DPP6: variants seen among roughly 807,000 people sequenced by gnomAD.
The protein encoded by DPP6 is A-type potassium channel modulatory protein DPP6.
In DPP6, 69 loss-of-function variants were observed where a neutral mutation model predicts 122.6. The observed-to-expected ratio is 0.56, with a 90% CI of 0.46 to 0.69. DPP6 has a LOEUF of 0.69. DPP6 is among the 30% of genes least tolerant of loss of function. The pLI is 0.00. For missense variants in DPP6, 928 were observed against 1,116.9 expected (o/e 0.83, Z 2.41); for synonymous variants, 418 against 433.1 (o/e 0.97, Z 0.43).
intron 1 of DPP6, among the ~76,000 whole-genome samples, chr7:154,187,405 C>A (rs1177255565): frequency 5.3e-5 from 8 of 152,094 alleles, no homozygotes; most frequent in Non-Finnish European, 1.2e-4. Flanking sequence ...GCACGAGAGC[C>A]AAATGACTAT....
chr7:154,774,199 G>T (rs974266788), intron 10 of DPP6, among the ~76,000 whole-genome samples: 2 of 152,074 alleles, frequency 1.3e-5, no homozygotes, highest in African/African-American at 2.4e-5. Context: ...AGGGACAACT[G>T]GTCACTGGGG....
chr7:154,094,650 C>T (rs71532612), intron 1 of DPP6: 5 of 152,196 alleles, frequency 3.3e-5, no homozygotes, highest in African/African-American at 1.2e-4. Flanking sequence ...ATATCAGTGT[C>T]GTTCTCTGGG....
At position 154,861,684 on chromosome 7, in the gene DPP6, G is replaced by A. The variant is rs995150370; in HGVS notation, c.1715-6311G>A. ...GGATACATTACATACTTTGATAATT[G>A]TTGGACATAAAAAGTTATGATTGCT... On this transcript the variant is annotated intron_variant, in intron 17 of 25. Coordinates refer to ENST00000377770, the MANE Select transcript of DPP6 (RefSeq NM_130797.4). 1.6e-4 allele frequency among the ~76,000 whole-genome samples: 25 copies of A among 152,154 alleles called. 1 individual carries two copies. Among genetic ancestry groups the A allele is most frequent in the Non-Finnish European group, 1.8e-4 (12 of 68,032 alleles).
intron 17 of DPP6, among the ~76,000 whole-genome samples, chr7:154,859,042 T>C (rs1356483564): frequency 1.3e-5 from 2 of 152,170 alleles, no homozygotes; most frequent in African/African-American, 4.8e-5. Context: ...ACCAGATGTC[T>C]GACAAGGGGG....
chr7:154,130,697 G>A (rs985573903), intron 1 of DPP6, among the ~76,000 whole-genome samples: 1 of 152,032 alleles, frequency 6.6e-6, no homozygotes, highest in Non-Finnish European at 1.5e-5. Flanking sequence ...AGATGGGGGC[G>A]GGTGGGGAGG....
At chr7:153,817,138 G>T in the DPP6 span, among the ~76,000 whole-genome samples, 1 of 149,598 alleles carries the variant, frequency 6.7e-6, no homozygotes, top group East Asian at 2.0e-4. Flanking sequence ...CAGCCAGAGA[G>T]ATTGGAGCAA....
chr7:153,754,273 A>T, the DPP6 span, among the ~76,000 whole-genome samples: 1 of 152,136 alleles, frequency 6.6e-6, no homozygotes, highest in Admixed American at 6.5e-5. Flanking sequence ...AATCCCACCT[A>T]CATTTTTACT....
chr7:154,475,459 A>G, intron 3 of DPP6: 1 of 237,436 alleles, frequency 4.2e-6, no homozygotes, highest in South Asian at 5.6e-5. Flanking sequence ...AGAAGGACCA[A>G]AAGCAACTCA....
intron 6 of DPP6, among the ~76,000 whole-genome samples, chr7:154,664,295 A>C (rs538612884): frequency 6.6e-6 from 1 of 152,366 alleles, no homozygotes; most frequent in Admixed American, 6.5e-5. Flanking sequence ...GCAGTCTTGC[A>C]AGGCACTGCA....
chr7:153,928,395 C>CTTTTTTTTTTTTTTT (rs1467865041), intron 1 of DPP6, among the ~76,000 whole-genome samples: 79 of 29,958 alleles, frequency 2.6e-3, no homozygotes, highest in Non-Finnish European at 3.5e-3. Flanking sequence ...TCTTTTCTTT[C>CTTTTTTTTTTTTTTT]ATTTTTTTTT....
intron 1 of DPP6, among the ~76,000 whole-genome samples, chr7:154,033,380 G>A (rs1428270084): frequency 6.6e-6 from 1 of 152,184 alleles, no homozygotes; most frequent in African/African-American, 2.4e-5. Flanking sequence ...ATTGAACTCT[G>A]GGGAGAAGAC....
chr7:153,786,972 T>C, the DPP6 span, among the ~76,000 whole-genome samples: 5 of 144,954 alleles, frequency 3.4e-5, no homozygotes, highest in African/African-American at 1.3e-4. Context: ...TGTTTTTTAA[T>C]ATGGACTCTC....
At chr7:154,052,200 G>C (rs1260835691), upstream of DPP6, among the ~76,000 whole-genome samples, 1 of 151,694 alleles carries the variant, frequency 6.6e-6, no homozygotes, top group Non-Finnish European at 1.5e-5. The surrounding 1 kb of genome is among the most constrained non-coding windows in gnomAD (Gnocchi z 4.8). Flanking sequence ...CGACCCGCGT[G>C]GTCCCAGCCC....
At chr7:154,809,263 A>AAAG (rs1269015127) in intron 16 of DPP6, among the ~76,000 whole-genome samples, 1 of 152,016 alleles carries the variant, frequency 6.6e-6, no homozygotes, top group African/African-American at 2.4e-5. Flanking sequence ...TAAAAAAAAA[A>AAAG]AAGAAGAAGA....
At chr7:154,061,582 C>G (rs1373717309) in intron 1 of DPP6, among the ~76,000 whole-genome samples, 1 of 146,222 alleles carries the variant, frequency 6.8e-6, no homozygotes, top group Admixed American at 6.7e-5. Flanking sequence ...GAGATCCATC[C>G]CCTCTTCCCC....
intron 5 of DPP6, among the ~76,000 whole-genome samples, chr7:154,629,138 A>G (rs371550165): frequency 6.6e-6 from 1 of 152,142 alleles, no homozygotes; most frequent in Non-Finnish European, 1.5e-5. Context: ...GGGACTGTCT[A>G]TTGTGTTAAT....
At chr7:154,031,226 C>T (rs74525398) in intron 1 of DPP6, among the ~76,000 whole-genome samples, 1 of 150,884 alleles carries the variant, frequency 6.6e-6, no homozygotes, top group East Asian at 1.9e-4. Context: ...TTTTTTAATT[C>T]TAATCTTGCA....
chr7:154,117,410 T>C lies in DPP6; in HGVS notation c.243+64347T>C, dbSNP rs930298219. Reference sequence around the variant, plus strand: ...ATTTTATACTGATGTGCTCAGTACCTTGGTGTCTTTGTCTGTCTTTTAGGG... The same window carrying C: ...ATTTTATACTGATGTGCTCAGTACCCTGGTGTCTTTGTCTGTCTTTTAGGG... On this transcript the variant is annotated intron_variant, in intron 1 of 25. Coordinates refer to ENST00000377770, the MANE Select transcript of DPP6 (RefSeq NM_130797.4). 1.4e-4 allele frequency among the ~76,000 whole-genome samples: 21 copies of C among 152,324 alleles called. No individual in the cohort carries two copies. In the East Asian group the frequency reaches 3.1e-3, roughly 22 times the overall value.
chr7:154,830,009 G>A (rs534529284), intron 16 of DPP6, among the ~76,000 whole-genome samples: 2 of 152,088 alleles, frequency 1.3e-5, no homozygotes, highest in East Asian at 1.9e-4. Context: ...CTCACCACCC[G>A]ATAGCTCCTT....
Sources: allele counts gnomAD v4.1 joint callset (sites outside exome capture counted in the v4.1 genomes callset), GRCh38; gene constraint gnomAD v4.1.1; non-coding constraint Gnocchi (gnomAD v3.1); transcripts MANE v1.5; gene names NCBI Gene and HGNC (gene_info 2026-07-23, HGNC 2026-07-21).